Variants in ITGA7 observed in about 807,000 individuals in gnomAD.
ITGA7 encodes integrin subunit alpha 7, also known as integrin alpha-7.
ITGA7 carries 84 observed loss-of-function variants against 131.6 expected under a neutral mutation model. That is an observed-to-expected ratio of 0.64 (90% CI 0.54 to 0.77). The LOEUF is 0.77. ITGA7 is among the 30% of genes least tolerant of loss of function. The pLI is 0.00. For synonymous variants in ITGA7, 548 were observed against 600.7 expected, an observed-to-expected ratio of 0.91 and a Z score of 1.28; for missense variants, 1,399 against 1,482.9, an observed-to-expected ratio of 0.94 and a Z score of 0.93.
intron 21 of ITGA7, among the ~76,000 whole-genome samples, chr12:55,689,732 T>G (rs1871015779): frequency 6.6e-6 from 1 of 152,218 alleles, no homozygotes; most frequent in Non-Finnish European, 1.5e-5. Flanking sequence ...CTTCTGCCTT[T>G]TTAGTAAAAG....
rs1873146956 is a variant in ITGA7, at chr12:55,698,462, G to A, written c.1113C>T (p.Leu371=). The change falls in exon 7 of 25, where the codon CTC becomes CTT. Residue 371 remains leucine (L), a synonymous_variant. Coordinates refer to ENST00000257879, the MANE Select transcript of ITGA7 (RefSeq NM_002206.3). ...QGGHWAGISP[L]RLCGSPDSMF... ...TGGAGTCAGGGGAGCCGCAGAGCCG[G>A]AGAGGGGAGATCCCAGCCCAGTGAC... The A allele has an allele frequency of 6.2e-7, 1 of 1,613,820 alleles. No homozygotes were observed. Among genetic ancestry groups the A allele is most frequent in the Non-Finnish European group, 8.5e-7 (1 of 1,179,806 alleles).
chr12:55,688,132 T>C (rs1744009315), intron 23 of ITGA7, 36 bp from the exon 24 acceptor site: 2 of 1,614,046 alleles, frequency 1.2e-6, no homozygotes, highest in Non-Finnish European at 8.5e-7. Context: ...AAGAGGTCAA[T>C]GGAACAAGAA....
chr12:55,703,964 C>T (rs1874636225), intron 1 of ITGA7, among the ~76,000 whole-genome samples: 1 of 152,220 alleles, frequency 6.6e-6, no homozygotes, highest in Middle Eastern at 3.2e-3. Context: ...CCAGCTACAA[C>T]TTTCTTGGCA....
chr12:55,704,070 A>G (rs930892248), intron 1 of ITGA7, among the ~76,000 whole-genome samples: 2 of 152,166 alleles, frequency 1.3e-5, no homozygotes, highest in African/African-American at 4.8e-5. Context: ...TGAACCCCCA[A>G]GCCAGAGTGA....
chr12:55,686,095 T>C, intron 24 of ITGA7: 1 of 554,726 alleles, frequency 1.8e-6, no homozygotes, highest in Non-Finnish European at 2.9e-6. Flanking sequence ...TGCAATCTCA[T>C]TTTTCACCCT....
chr12:55,697,790 G>T lies in ITGA7; in HGVS notation c.1314C>A (p.Ser438Arg), dbSNP rs1161377010. Residue 438 changes from serine (S) to arginine (R), a missense_variant, in exon 9 of 25, where the codon AGC becomes AGA. Transcript: ENST00000257879. ...AGCTGCCTGACAGGGAGTAGCCGAAGCTCTTGATGCCCACAGCCTCGCCCT... is the reference window on the plus strand; with the variant it reads ...AGCTGCCTGACAGGGAGTAGCCGAATCTCTTGATGCCCACAGCCTCGCCCT... ...VLEGEAVGIKSFGYSLSGSLD... is the reference protein window; with the variant it reads ...VLEGEAVGIKRFGYSLSGSLD... The T allele has an allele frequency of 4.3e-6, 7 of 1,614,022 alleles. No individual in the cohort carries two copies. The highest frequency in any genetic ancestry group is 5.9e-6 in the Non-Finnish European group (7 of 1,180,022).
In ITGA7 at chr12:55,707,892, C is replaced by G; in HGVS notation, c.-210G>C. 1 of 1,415,942 alleles carries G rather than the reference C, an allele frequency of 7.1e-7. No individual in the cohort carries two copies. The highest frequency in any genetic ancestry group is 9.2e-7 in the Non-Finnish European group (1 of 1,089,068). 87.7% of individuals were successfully genotyped at this position (1,415,942 alleles called of 1,614,324 possible). ...GCTAGGACAACTACAGCAGCCGCAG[C>G]TCCGGCGCCCACTCCGGCTCCCGCC... is the stretch of plus-strand genomic sequence containing the variant. On this transcript the variant is annotated 5_prime_UTR_variant, in exon 1 of 25. Transcript: ENST00000257879.
At chr12:55,701,750 T>C (rs1480903423) in intron 3 of ITGA7, among the ~76,000 whole-genome samples, 2 of 152,006 alleles carry the variant, frequency 1.3e-5, no homozygotes, top group African/African-American at 4.8e-5. Flanking sequence ...CTGGCTAATT[T>C]GTTTTTATTT....
intron 1 of ITGA7, 106 bp from the exon 2 acceptor site, chr12:55,703,284 T>A: frequency 7.9e-7 from 1 of 1,262,932 alleles, no homozygotes; most frequent in Non-Finnish European, 1.1e-6. Flanking sequence ...AAAGAGAGTG[T>A]TCAAGGACTA....
intron 21 of ITGA7, among the ~76,000 whole-genome samples, chr12:55,689,920 T>A: frequency 6.6e-6 from 1 of 152,226 alleles, no homozygotes; most frequent in East Asian, 1.9e-4. Context: ...GCTAGCCATA[T>A]GTAGAAAGCT....
At chr12:55,689,427 G>A (rs1199094651) in intron 21 of ITGA7, among the ~76,000 whole-genome samples, 2 of 152,136 alleles carry the variant, frequency 1.3e-5, no homozygotes, top group African/African-American at 2.4e-5. Context: ...GTCCATATTC[G>A]GCAAAGCCAC....
chr12:55,699,041 C>A (rs1201179706), intron 5 of ITGA7, 124 bp from the exon 6 acceptor site: 2 of 845,704 alleles, frequency 2.4e-6, no homozygotes, highest in Non-Finnish European at 1.9e-6. Flanking sequence ...CTCCCCTGCA[C>A]CCTGCCCCCT....
upstream of ITGA7, among the ~76,000 whole-genome samples, chr12:55,708,604 G>A (rs1371848091): frequency 6.6e-6 from 1 of 152,192 alleles, no homozygotes; most frequent in Non-Finnish European, 1.5e-5. Flanking sequence ...AATTGACAAG[G>A]GATGGAATGA....
At chr12:55,705,225 T>G (rs971192148) in intron 1 of ITGA7, among the ~76,000 whole-genome samples, 16 of 152,024 alleles carry the variant, frequency 1.1e-4, no homozygotes, top group African/African-American at 3.6e-4. Context: ...AATCGATCCT[T>G]AGTGGAACAA....
At chr12:55,710,798 G>C (rs532213011), upstream of ITGA7, among the ~76,000 whole-genome samples, 1 of 151,858 alleles carries the variant, frequency 6.6e-6, no homozygotes, top group African/African-American at 2.4e-5. Context: ...TATTCCACTC[G>C]CATACCATTC....
At chr12:55,687,169 CTTTTTTT>C (rs1187388992) in intron 24 of ITGA7, among the ~76,000 whole-genome samples, 14 of 88,174 alleles carry the variant, frequency 1.6e-4, no homozygotes, top group Admixed American at 2.4e-4. Flanking sequence ...CATCTGATTT[CTTTTTTT>C]TTTTTTTTTT....
rs1179285502 is a variant in ITGA7 at position 55,697,284 on chromosome 12, G to T, written c.1506-7C>A. On this transcript the variant is annotated splice_region_variant and splice_polypyrimidine_tract_variant and intron_variant, in intron 10 of 24. Transcript: ENST00000257879. ...ACAGACCCTTAGGTCCACACTGCGG[G>T]GGCAAAGGTGGCTCCTGAGCCAAAC... 6.3e-7 allele frequency: 1 copy of T among 1,590,598 alleles called. No individual in the cohort carries two copies.
chr12:55,691,965 G>A (rs957315827), intron 21 of ITGA7, among the ~76,000 whole-genome samples: 2 of 152,074 alleles, frequency 1.3e-5, no homozygotes, highest in South Asian at 2.1e-4. Context: ...TAGCAGGGAG[G>A]GGCACAGAGC....
chr12:55,692,532 G>C (rs1565616908), intron 21 of ITGA7, among the ~76,000 whole-genome samples: 1 of 152,214 alleles, frequency 6.6e-6, no homozygotes, highest in Non-Finnish European at 1.5e-5. Context: ...AGACCTCAAA[G>C]TGTGAGGATG....
Sources: gnomAD v4.1 joint callset for allele counts (sites outside exome capture counted in the v4.1 genomes callset) on GRCh38, gnomAD v4.1.1 for gene constraint, MANE v1.5 for transcripts, NCBI Gene and HGNC (gene_info 2026-07-23, HGNC 2026-07-21) for gene names.